Variants in CDC25A observed in about 807,000 individuals in gnomAD.
CDC25A encodes the protein M-phase inducer phosphatase 1.
A neutral mutation model predicts 64.6 loss-of-function variants in CDC25A; 17 were observed. The observed-to-expected ratio is 0.26, with a 90% confidence interval of 0.18 to 0.39. CDC25A has a LOEUF of 0.39. Among genes scored for constraint, CDC25A ranks in the 10% least tolerant of loss-of-function variants. The probability of loss-of-function intolerance (pLI) is 1.00; values close to 1 mark genes in which losing one functional copy is unlikely to be tolerated. For synonymous variants in CDC25A, 229 were observed against 238.6 expected (o/e 0.96, Z 0.37); for missense variants, 473 against 654.8 (o/e 0.72, Z 3.03).
chr3:48,159,114 G>T, intron 14 of CDC25A, 29 bp from the exon 15 acceptor site: 3 of 1,610,054 alleles, frequency 1.9e-6, no homozygotes, highest in Middle Eastern at 3.3e-4. Context: ...ATAAGGTTAG[G>T]GTACACCTGC....
At chr3:48,182,777 A>C (rs1260791274) in intron 5 of CDC25A, 152 bp downstream of exon 5, 1 of 589,060 alleles carries the variant, frequency 1.7e-6, no homozygotes, top group African/African-American at 1.8e-5. Flanking sequence ...CACAGCTAGT[A>C]AGCAGGATCC....
In CDC25A at chr3:48,168,515, C is replaced by CCA. The variant is rs533562304; in HGVS notation, c.931-573_931-572dup. ...GAGGCTACAGCAAGTGGTGATGGTG[C>CCA]CACTGCACTCCAGCCTGGGTGACAG... On this transcript the variant is annotated intron_variant, in intron 9 of 14. Coordinates refer to ENST00000302506, the MANE Select transcript of CDC25A (RefSeq NM_001789.3). Among the ~76,000 whole-genome samples the CCA allele has an allele frequency of 3.6e-3, 544 of 151,798 alleles. 3 individuals are homozygous for CCA. Among genetic ancestry groups the CCA allele is most frequent in the African/African-American group, 0.012 (512 of 41,350 alleles).
At chr3:48,182,849 G>A (rs2032714532) in intron 5 of CDC25A, 80 bp downstream of exon 5, 1 of 902,114 alleles carries the variant, frequency 1.1e-6, no homozygotes, top group East Asian at 2.4e-5. Context: ...CTCCCAGAAA[G>A]CAGCCCAGCC....
At chr3:48,161,700 C>A (rs1189739781) in intron 13 of CDC25A, among the ~76,000 whole-genome samples, 1 of 151,658 alleles carries the variant, frequency 6.6e-6, no homozygotes, top group Non-Finnish European at 1.5e-5. Flanking sequence ...CAGAGACTGA[C>A]CCTGACTCAA....
At chr3:48,175,555 T>A (rs997928117) in intron 8 of CDC25A, among the ~76,000 whole-genome samples, 29 of 152,336 alleles carry the variant, frequency 1.9e-4, no homozygotes, top group Admixed American at 1.0e-3. Context: ...CACTCCCACA[T>A]CTGCTCCCAT....
intron 2 of CDC25A, among the ~76,000 whole-genome samples, chr3:48,185,374 C>CA (rs1160519201): frequency 6.6e-6 from 1 of 150,562 alleles, no homozygotes; most frequent in Non-Finnish European, 1.5e-5. Flanking sequence ...CCTGATTGTG[C>CA]CACTGTACAC....
chr3:48,159,166 A>G (rs1316643540), intron 14 of CDC25A, 81 bp from the exon 15 acceptor site: 1 of 1,543,492 alleles, frequency 6.5e-7, no homozygotes, highest in Non-Finnish European at 8.8e-7. Context: ...TAGGGCTACA[A>G]GGCTGAAAGC....
At chr3:48,168,500 C>T (rs1242891549) in intron 9 of CDC25A, among the ~76,000 whole-genome samples, 1 of 151,234 alleles carries the variant, frequency 6.6e-6, no homozygotes, top group Non-Finnish European at 1.5e-5. Context: ...GAGGCTACAG[C>T]AAGTGGTGAT....
At chr3:48,162,486 G>C (rs1356999838) in intron 13 of CDC25A, among the ~76,000 whole-genome samples, 1 of 151,900 alleles carries the variant, frequency 6.6e-6, no homozygotes, top group Non-Finnish European at 1.5e-5. Context: ...CTCCTGCCTC[G>C]GCCTCCCAAA....
intron 9 of CDC25A, among the ~76,000 whole-genome samples, chr3:48,172,592 G>A (rs1037306883): frequency 6.6e-6 from 1 of 152,246 alleles, no homozygotes. Context: ...GCCAGGTGCT[G>A]TGTCTAACAC....
intron 13 of CDC25A, among the ~76,000 whole-genome samples, chr3:48,162,525 C>T (rs924222304): frequency 6.6e-6 from 1 of 152,084 alleles, no homozygotes; most frequent in African/African-American, 2.4e-5. Context: ...CCACTGTGCC[C>T]AGCCATAACC....
At chr3:48,184,117 A>G (rs2032763865) in intron 3 of CDC25A, among the ~76,000 whole-genome samples, 1 of 151,976 alleles carries the variant, frequency 6.6e-6, no homozygotes, top group Non-Finnish European at 1.5e-5. Context: ...TATGGGCACT[A>G]TGGGAGGCCG....
chr3:48,182,791 C>T (rs144884370), intron 5 of CDC25A, 138 bp downstream of exon 5: 146 of 613,202 alleles, frequency 2.4e-4, no homozygotes, highest in East Asian at 1.7e-3. Context: ...AGGATCCAAA[C>T]CCAGAATTCT....
intron 13 of CDC25A, among the ~76,000 whole-genome samples, chr3:48,161,714 TA>T (rs567697028): frequency 5.5e-5 from 8 of 145,972 alleles, no homozygotes; most frequent in African/African-American, 1.0e-4. Flanking sequence ...GACTCAAAAA[TA>T]AAAAAAAAAG....
intron 8 of CDC25A, chr3:48,174,687 G>T: frequency 2.8e-6 from 1 of 362,936 alleles, no homozygotes. Flanking sequence ...ATATAGAGAT[G>T]AGCAAAACGT....
In CDC25A at chr3:48,187,803, T is replaced by C. The variant is rs578041713; in HGVS notation, c.145A>G (p.Met49Val). The C allele has an allele frequency of 1.6e-5, 24 of 1,548,132 alleles. No individual in the cohort carries two copies. Among genetic ancestry groups the C allele is most frequent in the Non-Finnish European group, 2.0e-5 (23 of 1,145,416 alleles). The change falls in exon 1 of 15, where the codon ATG becomes GTG. Residue 49 changes from methionine to valine, a missense_variant. Physicochemically the swap from Met to Val is conservative, Grantham distance 21. Transcript: ENST00000302506. Reference protein sequence around the residue: ...LSPVTNLTVTMDQLQGLGSDY... With the variant: ...LSPVTNLTVTVDQLQGLGSDY... ...CTGCCCAGACCCTGCAGCTGGTCCA[T>C]AGTGACGGTCAGGTTGGTGACAGGC...
intron 6 of CDC25A, among the ~76,000 whole-genome samples, chr3:48,179,745 A>T (rs1206564883): frequency 1.3e-5 from 2 of 152,190 alleles, no homozygotes; most frequent in Non-Finnish European, 2.9e-5. Context: ...GTACTTTCCT[A>T]ATCTGTTCAA....
chr3:48,184,637 A>G lies in CDC25A; in HGVS notation c.290+16T>C. ...TTTTTTCTACATATAAACATTTGAA[A>G]GCAGTGAATACATACTTTTCTTTAC... On this transcript the variant is annotated intron_variant, in intron 3 of 14. Coordinates refer to ENST00000302506, the MANE Select transcript of CDC25A (RefSeq NM_001789.3). 1 of 1,563,206 alleles carries G rather than the reference A, an allele frequency of 6.4e-7. No homozygotes were observed. The highest frequency in any genetic ancestry group is 8.7e-7 in the Non-Finnish European group (1 of 1,147,108).
At chr3:48,184,022 T>A (rs141422388) in intron 3 of CDC25A, among the ~76,000 whole-genome samples, 186 bp from the exon 4 acceptor site, 1 of 151,996 alleles carries the variant, frequency 6.6e-6, no homozygotes. Context: ...ACTAGACTTC[T>A]AGGTGAAAAA....
Sources: gnomAD v4.1 joint callset for allele counts (sites outside exome capture counted in the v4.1 genomes callset) on GRCh38, gnomAD v4.1.1 for gene constraint, MANE v1.5 for transcripts, NCBI Gene and HGNC (gene_info 2026-07-23, HGNC 2026-07-21) for gene names.